The following SLX4IP variants were observed in gnomAD, a reference collection of about 807,000 sequenced individuals.
The protein encoded by SLX4IP is SLX4 interacting protein.
Under a neutral mutation model 32.9 loss-of-function variants are expected in SLX4IP, and 34 were observed. The ratio of observed to expected loss-of-function variants is 1.03; its 90% CI spans 0.79 to 1.38. The LOEUF (loss-of-function observed/expected upper bound fraction) is 1.38, where lower values mean the gene tolerates loss of function less well. SLX4IP is among the 40% of genes most tolerant of loss of function. The pLI, the probability that SLX4IP is intolerant of heterozygous loss-of-function variation, is 0.00. For missense variants in SLX4IP, 444 were observed against 479.0 expected, an observed-to-expected ratio of 0.93 and a Z score of 0.68; for synonymous variants, 172 against 171.7, an observed-to-expected ratio of 1.00 and a Z score of -0.01.
chr20:10,569,602 G>T (rs1232490663), intron 4 of SLX4IP, among the ~76,000 whole-genome samples: 1 of 152,162 alleles, frequency 6.6e-6, no homozygotes, highest in Non-Finnish European at 1.5e-5. Context: ...TAAGATCAAG[G>T]TTAGTTTCTT....
intron 1 of SLX4IP, among the ~76,000 whole-genome samples, chr20:10,455,543 A>G (rs1210843716): frequency 6.6e-6 from 1 of 151,932 alleles, no homozygotes; most frequent in Admixed American, 6.6e-5. Context: ...TTAAGGATCT[A>G]TTTCTATCAA....
In SLX4IP at chr20:10,623,664, G is replaced by C; in HGVS notation, c.*285G>C. The stretch of plus-strand genomic sequence containing the variant: ...CATCCACCTTGTCAGGGAGGAGACT[G>C]TGCAAGGACTGCATGAAGAAACTGA... On this transcript the variant is annotated 3_prime_UTR_variant, in exon 8 of 8. Coordinates refer to ENST00000334534, the MANE Select transcript of SLX4IP (RefSeq NM_001009608.3). 1 of 429,814 alleles carries C rather than the reference G, an allele frequency of 2.3e-6. No homozygotes were observed. Among genetic ancestry groups the C allele is most frequent in the Non-Finnish European group, 4.1e-6 (1 of 241,564 alleles). The allele number at this position is 429,814 out of a possible 1,614,324, so 26.6% of individuals were successfully genotyped here.
chr20:10,578,534 T>C (rs999304697), intron 4 of SLX4IP, among the ~76,000 whole-genome samples: 1 of 152,258 alleles, frequency 6.6e-6, no homozygotes, highest in African/African-American at 2.4e-5. Flanking sequence ...ATAATGCTAC[T>C]ATGGGTATTC....
At position 10,519,450 on chromosome 20, in the gene SLX4IP, A is replaced by G. The variant is rs118117735; in HGVS notation, c.28-36781A>G. 9.1e-3 allele frequency among the ~76,000 whole-genome samples: 1,379 copies of G among 152,356 alleles called. 8 individuals carry two copies. The highest frequency in any genetic ancestry group is 0.023 in the South Asian group (111 of 4,830). ...AAAAATTGCTTGTTATGGACATATC[A>G]TATAAATGGAGTTATACAACACGTG... is the stretch of plus-strand genomic sequence containing the variant. On this transcript the variant is annotated intron_variant, in intron 2 of 7. Transcript: ENST00000334534.
At chr20:10,526,641 C>T (rs1434751660) in intron 2 of SLX4IP, among the ~76,000 whole-genome samples, 1 of 152,206 alleles carries the variant, frequency 6.6e-6, no homozygotes, top group African/African-American at 2.4e-5. Flanking sequence ...TCTCCCCTCT[C>T]TCTCTCTCTT....
chr20:10,524,587 A>C (rs573203232), intron 2 of SLX4IP, among the ~76,000 whole-genome samples: 44 of 152,350 alleles, frequency 2.9e-4, no homozygotes, highest in African/African-American at 1.1e-3. Flanking sequence ...TGATGTTTAA[A>C]ATAATTAATA....
At chr20:10,460,173 T>C (rs1453693730) in intron 2 of SLX4IP, among the ~76,000 whole-genome samples, 3 of 152,240 alleles carry the variant, frequency 2.0e-5, no homozygotes, top group Non-Finnish European at 2.9e-5. Context: ...TAGAAAGATA[T>C]TTGGTTGGTT....
intron 4 of SLX4IP, among the ~76,000 whole-genome samples, chr20:10,573,881 G>A (rs2066493654): frequency 6.6e-6 from 1 of 152,182 alleles, no homozygotes; most frequent in Non-Finnish European, 1.5e-5. Context: ...ATCCACACAT[G>A]TAAAGCTTGA....
At chr20:10,520,898 G>C (rs1346762189) in intron 2 of SLX4IP, among the ~76,000 whole-genome samples, 3 of 152,156 alleles carry the variant, frequency 2.0e-5, no homozygotes, top group Non-Finnish European at 4.4e-5. Context: ...CCCCAGAAGT[G>C]AGCACTCTAT....
At chr20:10,548,267 C>G (rs1380607710) in intron 2 of SLX4IP, among the ~76,000 whole-genome samples, 1 of 151,928 alleles carries the variant, frequency 6.6e-6, no homozygotes, top group Admixed American at 6.5e-5. Context: ...GAAACGGAGT[C>G]TCGCTCTGTC....
chr20:10,603,033 T>C (rs2066861590), intron 6 of SLX4IP, among the ~76,000 whole-genome samples: 2 of 152,234 alleles, frequency 1.3e-5, no homozygotes, highest in Admixed American at 1.3e-4. Flanking sequence ...AGTTTGTCCT[T>C]TGAAATATTT....
intron 2 of SLX4IP, among the ~76,000 whole-genome samples, chr20:10,525,544 G>C (rs1199285436): frequency 6.6e-6 from 1 of 152,158 alleles, no homozygotes; most frequent in African/African-American, 2.4e-5. Flanking sequence ...TTTTCTCATT[G>C]TTATAATGGT....
intron 4 of SLX4IP, among the ~76,000 whole-genome samples, chr20:10,580,927 T>C (rs1414465715): frequency 6.6e-6 from 1 of 152,092 alleles, no homozygotes; most frequent in Admixed American, 6.5e-5. Context: ...TCACCATGAA[T>C]GTGATATTTA....
chr20:10,533,450 T>C (rs182623221), intron 2 of SLX4IP, among the ~76,000 whole-genome samples: 1 of 152,068 alleles, frequency 6.6e-6, no homozygotes, highest in Admixed American at 6.6e-5. Context: ...ATTACAGGCA[T>C]GTGCCACCAC....
chr20:10,610,718 G>A lies in SLX4IP; in HGVS notation c.405+8899G>A, dbSNP rs140609340. 9.1e-4 allele frequency among the ~76,000 whole-genome samples: 139 copies of A among 152,314 alleles called. 1 individual carries two copies. The highest frequency in any genetic ancestry group is 3.2e-3 in the African/African-American group (135 of 41,562). Reference sequence around the variant, plus strand: ...ACTTCAGTCCCAGTGGAATTCATGCGATGCCACTTTTCATTTCACCTCCTG... The same window carrying A: ...ACTTCAGTCCCAGTGGAATTCATGCAATGCCACTTTTCATTTCACCTCCTG... On this transcript the variant is annotated intron_variant, in intron 6 of 7. Coordinates refer to ENST00000334534, the MANE Select transcript of SLX4IP (RefSeq NM_001009608.3).
At chr20:10,616,650 T>G (rs2067036132) in intron 6 of SLX4IP, among the ~76,000 whole-genome samples, 1 of 152,094 alleles carries the variant, frequency 6.6e-6, no homozygotes, top group Admixed American at 6.6e-5. Context: ...TGGTGTTCAC[T>G]CTTCCCCCTA....
intron 2 of SLX4IP, among the ~76,000 whole-genome samples, chr20:10,526,365 A>G (rs1294421794): frequency 6.6e-6 from 1 of 152,200 alleles, no homozygotes; most frequent in Non-Finnish European, 1.5e-5. Context: ...CAGGTGTATG[A>G]GAATCATTGG....
chr20:10,513,356 C>T (rs770766949), intron 2 of SLX4IP, among the ~76,000 whole-genome samples: 41 of 152,266 alleles, frequency 2.7e-4, no homozygotes, highest in Middle Eastern at 3.4e-3. Context: ...CACTGTCTGG[C>T]TCCAGAACCC....
chr20:10,576,948 T>C (rs1400676261), intron 4 of SLX4IP, among the ~76,000 whole-genome samples: 3 of 152,150 alleles, frequency 2.0e-5, no homozygotes, highest in African/African-American at 4.8e-5. Flanking sequence ...GTGTTTTTTT[T>C]CTCCCCCAAC....
Sources: allele counts gnomAD v4.1 joint callset (sites outside exome capture counted in the v4.1 genomes callset), GRCh38; gene constraint gnomAD v4.1.1; transcripts MANE v1.5; gene names NCBI Gene and HGNC (gene_info 2026-07-23, HGNC 2026-07-21).